DDX60: variants seen among roughly 807,000 people sequenced by gnomAD.
DDX60 encodes DExD/H-box helicase 60, also known as probable ATP-dependent RNA helicase DDX60.
A neutral mutation model predicts 212.8 loss-of-function variants in DDX60; 165 were observed. That is an observed-to-expected ratio of 0.78 (90% CI 0.68 to 0.88). The LOEUF is 0.88. DDX60 is among the 40% of genes least tolerant of loss of function. The probability of loss-of-function intolerance (pLI) is 0.00; values close to 1 mark genes in which losing one functional copy is unlikely to be tolerated. For synonymous variants in DDX60, 703 were observed against 685.3 expected, an observed-to-expected ratio of 1.03 and a Z score of -0.40; for missense variants, 1,905 against 2,003.9, an observed-to-expected ratio of 0.95 and a Z score of 0.94.
chr4:168,231,105 G>C (rs183305819), intron 33 of DDX60, among the ~76,000 whole-genome samples: 1 of 151,944 alleles, frequency 6.6e-6, no homozygotes, highest in East Asian at 1.9e-4. Context: ...AAAACTTAGA[G>C]GAGATGGGTA....
intron 8 of DDX60, among the ~76,000 whole-genome samples, chr4:168,291,506 G>A (rs1736099421): frequency 6.6e-6 from 1 of 152,136 alleles, no homozygotes; most frequent in Non-Finnish European, 1.5e-5. Flanking sequence ...CCTGACCTTG[G>A]CAGAGATTTA....
chr4:168,238,152 T>C (rs1733695256), intron 30 of DDX60, among the ~76,000 whole-genome samples: 1 of 135,068 alleles, frequency 7.4e-6, no homozygotes, highest in Admixed American at 8.6e-5. Context: ...ACCAATGTTA[T>C]AAAAATATTG....
rs377694693 is a variant in DDX60 at position 168,246,585 on chromosome 4, G to A, written c.3997C>T (p.Leu1333=). 6.2e-7 allele frequency: 1 copy of A among 1,613,964 alleles called. No individual in the cohort carries two copies. Among genetic ancestry groups the A allele is most frequent in the Non-Finnish European group, 8.5e-7 (1 of 1,179,996 alleles). The change falls in exon 30 of 38, where the codon CTG becomes TTG. Residue 1333 remains leucine, a synonymous_variant. Coordinates refer to ENST00000393743, the MANE Select transcript of DDX60 (RefSeq NM_017631.6). The part of the protein sequence containing the change: ...SGRAGRRGQD[L]MGDVYFFDIP... ...TCAAAGAAATATACATCTCCCATCAGGTCTTGACCTCTTCTTCCAGCACGG... is the reference window on the plus strand; with the variant it reads ...TCAAAGAAATATACATCTCCCATCAAGTCTTGACCTCTTCTTCCAGCACGG...
intron 30 of DDX60, among the ~76,000 whole-genome samples, chr4:168,240,080 C>T (rs548036851): frequency 2.6e-5 from 4 of 152,192 alleles, no homozygotes; most frequent in Admixed American, 1.3e-4. Context: ...AAAACCCCAT[C>T]ATCTCAACCC....
intron 25 of DDX60, among the ~76,000 whole-genome samples, chr4:168,256,598 A>G (rs1336089825): frequency 6.6e-6 from 1 of 152,184 alleles, no homozygotes; most frequent in Non-Finnish European, 1.5e-5. Context: ...ATGAAAAGTA[A>G]AATGTTTCTA....
At chr4:168,278,425 A>T (rs141724525) in intron 14 of DDX60, among the ~76,000 whole-genome samples, 1 of 152,364 alleles carries the variant, frequency 6.6e-6, no homozygotes, top group East Asian at 1.9e-4. Flanking sequence ...ATCTGTATGA[A>T]GACTTCAACA....
intron 30 of DDX60, among the ~76,000 whole-genome samples, chr4:168,240,997 T>C (rs748064568): frequency 6.6e-6 from 1 of 152,218 alleles, no homozygotes; most frequent in Non-Finnish European, 1.5e-5. Flanking sequence ...AATTGAATCA[T>C]GGGGGCAGAT....
chr4:168,282,394 G>C (rs1392762531), intron 13 of DDX60, among the ~76,000 whole-genome samples: 2 of 152,140 alleles, frequency 1.3e-5, no homozygotes, highest in Non-Finnish European at 2.9e-5. Context: ...TTGACAAAGA[G>C]ATGCACATTT....
intron 2 of DDX60, 71 bp downstream of exon 2, chr4:168,311,185 T>A: frequency 6.5e-7 from 1 of 1,533,836 alleles, no homozygotes; most frequent in Non-Finnish European, 9.0e-7. Context: ...TTATTTTAAT[T>A]CCATTAAATC....
At position 168,221,740 on chromosome 4, in the gene DDX60, G is replaced by A; in HGVS notation, c.4966C>T (p.Gln1656Ter). Residue 1656 changes from glutamine (Q) to a stop codon, truncating the protein, a stop_gained, in exon 36 of 38, where the codon CAG (glutamine) becomes TAG (stop). Transcript: ENST00000393743. LOFTEE classifies it high-confidence loss of function. Reference sequence around the variant, plus strand: ...ACAGAGAGGACATACCTGTTATCCTGGACTAATCCTATCAAGGAACCATGT... The same window carrying A: ...ACAGAGAGGACATACCTGTTATCCTAGACTAATCCTATCAAGGAACCATGT... ...YKHGSLIGLV[Q>*]DNRMNEGDAY... 6.2e-7 allele frequency: 1 copy of A among 1,612,010 alleles called. No homozygotes were observed. Among genetic ancestry groups the A allele is most frequent in the East Asian group, 2.2e-5 (1 of 44,780 alleles).
In DDX60 at chr4:168,302,297, T is replaced by A. The variant is rs1191001196; in HGVS notation, c.723+3A>T. 4.8e-6 allele frequency: 7 copies of A among 1,444,910 alleles called. No homozygotes were observed. The highest frequency in any genetic ancestry group is 1.4e-5 in the African/African-American group (1 of 69,266). The allele number at this position is 1,444,910 out of a possible 1,614,324, so 89.5% of individuals were successfully genotyped here. A position where few individuals can be genotyped will look rare whatever the true frequency, so the allele number is the denominator to read the frequency against. ...TACAAAGCTTTTTAAAATGTTTTGT[T>A]ACCTCTTCCGTAATATTATTCCATT... On this transcript the variant is annotated splice_donor_region_variant and intron_variant, in intron 6 of 37. Coordinates refer to ENST00000393743, the MANE Select transcript of DDX60 (RefSeq NM_017631.6).
Position 168,275,463 on chromosome 4 carries a change from T to C in DDX60, c.2186A>G (p.Tyr729Cys). 1 of 1,610,722 alleles carries C rather than the reference T, an allele frequency of 6.2e-7. No individual in the cohort carries two copies. The highest frequency in any genetic ancestry group is 8.5e-7 in the Non-Finnish European group (1 of 1,178,596). Residue 729 changes from tyrosine (Y) to cysteine (C), a missense_variant, in exon 16 of 38, where the codon TAT becomes TGT. Tyr to Cys is a radical substitution (Grantham distance 194). Coordinates refer to ENST00000393743, the MANE Select transcript of DDX60 (RefSeq NM_017631.6). Reference protein sequence around the residue: ...NDVKVKKRNKYSVGIGPARFQ... With the variant: ...NDVKVKKRNKCSVGIGPARFQ... The stretch of plus-strand genomic sequence containing the variant: ...CCGAGCTGGCCCAATGCCAACTGAA[T>C]ATTTATTCCTTTTCTTCACTTTTAC...
intron 8 of DDX60, 136 bp from the exon 9 acceptor site, chr4:168,288,451 G>A (rs1579055284): frequency 7.3e-6 from 4 of 546,436 alleles, no homozygotes; most frequent in South Asian, 2.6e-5. Flanking sequence ...ATTCAGGCTG[G>A]GTAATGGTGA....
At chr4:168,276,565 T>G (rs1203200409) in intron 14 of DDX60, among the ~76,000 whole-genome samples, 1 of 152,234 alleles carries the variant, frequency 6.6e-6, no homozygotes, top group East Asian at 1.9e-4. Context: ...TTAGCAACAT[T>G]TATTGAGTCC....
chr4:168,289,936 CCT>C (rs995892308), intron 8 of DDX60, among the ~76,000 whole-genome samples: 72 of 152,170 alleles, frequency 4.7e-4, no homozygotes, highest in African/African-American at 1.4e-3. Flanking sequence ...CCAAGTCCCC[CCT>C]GTTTTGCCTC....
At chr4:168,278,666 T>C (rs186045422) in intron 14 of DDX60, among the ~76,000 whole-genome samples, 5 of 151,952 alleles carry the variant, frequency 3.3e-5, no homozygotes, top group African/African-American at 1.2e-4. Context: ...CCATCTCTAG[T>C]AAAAATACAA....
At chr4:168,278,231 A>G (rs1735435979) in intron 14 of DDX60, among the ~76,000 whole-genome samples, 1 of 152,248 alleles carries the variant, frequency 6.6e-6, no homozygotes, top group Admixed American at 6.5e-5. Flanking sequence ...AGTCAGAAAC[A>G]ATCTTTTATC....
At chr4:168,280,727 T>C (rs1560853667) in intron 13 of DDX60, 137 bp from the exon 14 acceptor site, 1 of 1,044,098 alleles carries the variant, frequency 9.6e-7, no homozygotes, top group Non-Finnish European at 1.3e-6. Context: ...AAAATTTCTT[T>C]TTTTCTTTTG....
Position 168,272,373 on chromosome 4 carries a change from C to A in DDX60, c.2575-235G>T, listed in dbSNP as rs566750160. Reference sequence around the variant, plus strand: ...GGTAGAAAATCAGATTTGAAGTTTACATCCTTGTTTATGAACATTCAGGGT... The same window carrying A: ...GGTAGAAAATCAGATTTGAAGTTTAAATCCTTGTTTATGAACATTCAGGGT... On this transcript the variant is annotated intron_variant, in intron 18 of 37. Transcript: ENST00000393743. Among the ~76,000 whole-genome samples the A allele has an allele frequency of 2.6e-5, 4 of 152,330 alleles. No homozygotes were observed. In the South Asian group the frequency reaches 6.2e-4, roughly 24 times the overall value.
Sources: allele counts gnomAD v4.1 joint callset (sites outside exome capture counted in the v4.1 genomes callset), GRCh38; gene constraint gnomAD v4.1.1; transcripts MANE v1.5; gene names NCBI Gene and HGNC (gene_info 2026-07-23, HGNC 2026-07-21).